The following PRKDC variants were observed in gnomAD, a reference collection of about 807,000 sequenced individuals.
PRKDC encodes the protein protein kinase, DNA-activated, catalytic subunit.
PRKDC carries 82 observed loss-of-function variants against 486.9 expected under a neutral mutation model. The observed-to-expected ratio is 0.17, with a 90% CI of 0.14 to 0.20. The LOEUF (loss-of-function observed/expected upper bound fraction) is 0.20. Ranked by LOEUF, PRKDC falls within the 10% of genes least tolerant of loss-of-function variation. The probability of loss-of-function intolerance (pLI) is 1.00; values close to 1 mark genes in which losing one functional copy is unlikely to be tolerated. For missense variants in PRKDC, 4,504 were observed against 5,038.2 expected (o/e 0.89, Z 3.21); for synonymous variants, 1,895 against 1,837.0 (o/e 1.03, Z -0.81).
chr8:47,939,640 T>G lies in PRKDC; in HGVS notation c.1024A>C (p.Met342Leu). Residue 342 changes from methionine (M) to leucine (L), a missense_variant, in exon 11 of 86, where the codon ATG (methionine) becomes CTG (leucine). Coordinates refer to ENST00000314191, the MANE Select transcript of PRKDC (RefSeq NM_006904.7). The stretch of plus-strand genomic sequence containing the variant: ...CTGATGATTCCATAAAACTGCTCCA[T>G]AAAGTACTGCAGTTTATTTTTATGC... ...EMHKNKLQYFMEQFYGIIRNV... is the reference protein window; with the variant it reads ...EMHKNKLQYFLEQFYGIIRNV... The G allele has an allele frequency of 2.5e-6, 4 of 1,612,996 alleles. No individual in the cohort carries two copies. The East Asian group carries it at 8.9e-5, about 36-fold the overall frequency.
intron 21 of PRKDC, among the ~76,000 whole-genome samples, chr8:47,924,803 G>A (rs780714944): frequency 1.3e-5 from 2 of 152,144 alleles, no homozygotes; most frequent in Non-Finnish European, 2.9e-5. Flanking sequence ...GGAGGACCAT[G>A]GGTTCACACT....
At chr8:47,902,028 T>A (rs894949106) in intron 27 of PRKDC, among the ~76,000 whole-genome samples, 4 of 152,162 alleles carry the variant, frequency 2.6e-5, no homozygotes, top group African/African-American at 9.7e-5. Flanking sequence ...CACCCACTAC[T>A]CCACAGATCC....
chr8:47,786,606 A>C (rs1214399413), intron 76 of PRKDC, among the ~76,000 whole-genome samples: 1 of 152,170 alleles, frequency 6.6e-6, no homozygotes, highest in African/African-American at 2.4e-5. Flanking sequence ...AATAGAAATA[A>C]ATGGCTCATA....
Position 47,803,200 on chromosome 8 carries a change from A to C in PRKDC, c.9922+106T>G, listed in dbSNP as rs189875980. On this transcript the variant is annotated intron_variant, in intron 70 of 85. Transcript: ENST00000314191. ...TATATTCCCTGAAATTACTGCAAAG[A>C]TTTACCTCCCAAATGTCAGATGATG... 5 of 1,143,892 alleles carry C rather than the reference A, an allele frequency of 4.4e-6. No homozygotes were observed. In the East Asian group the frequency reaches 1.3e-4, roughly 29 times the overall value. The allele number at this position is 1,143,892 out of a possible 1,614,324, so 70.9% of individuals were successfully genotyped here.
intron 83 of PRKDC, 103 bp downstream of exon 83, chr8:47,778,356 T>C: frequency 8.0e-7 from 1 of 1,243,246 alleles, no homozygotes. Context: ...CGAATCTAAC[T>C]AATATGTTGT....
chr8:47,791,275 G>C (rs748211463), intron 74 of PRKDC, among the ~76,000 whole-genome samples: 1 of 152,158 alleles, frequency 6.6e-6, no homozygotes, highest in Non-Finnish European at 1.5e-5. Context: ...AGGCGTTCGA[G>C]ACCAGCCTGG....
At chr8:47,892,476 G>A (rs2089482256) in intron 31 of PRKDC, among the ~76,000 whole-genome samples, 1 of 152,058 alleles carries the variant, frequency 6.6e-6, no homozygotes, top group South Asian at 2.1e-4. Context: ...GATCACAGAT[G>A]TGCATCACCA....
intron 76 of PRKDC, among the ~76,000 whole-genome samples, chr8:47,785,705 C>G (rs999739482): frequency 6.6e-6 from 1 of 151,916 alleles, no homozygotes; most frequent in Non-Finnish European, 1.5e-5. Context: ...CACTGCACTC[C>G]AGCCTGGGTA....
chr8:47,818,223 C>G (rs768798011), intron 67 of PRKDC, among the ~76,000 whole-genome samples: 1 of 152,108 alleles, frequency 6.6e-6, no homozygotes, highest in Non-Finnish European at 1.5e-5. Context: ...GCAAGTCATT[C>G]AATCTCTATA....
chr8:47,908,784 A>G (rs1306470133), intron 25 of PRKDC, among the ~76,000 whole-genome samples: 1 of 152,242 alleles, frequency 6.6e-6, no homozygotes, highest in African/African-American at 2.4e-5. Flanking sequence ...AACAAAAAAG[A>G]CCTAAAGATA....
At chr8:47,891,296 T>C (rs1162019805) in intron 31 of PRKDC, among the ~76,000 whole-genome samples, 2 of 152,226 alleles carry the variant, frequency 1.3e-5, no homozygotes, top group Non-Finnish European at 2.9e-5. Flanking sequence ...TTTGTAAGTC[T>C]CATGGTTTCT....
chr8:47,813,926 C>A (rs1392693726), intron 68 of PRKDC, among the ~76,000 whole-genome samples: 1 of 152,022 alleles, frequency 6.6e-6, no homozygotes, highest in Non-Finnish European at 1.5e-5. Context: ...TCTTATGAGG[C>A]CATGATAACC....
chr8:47,940,227 A>G (rs1408566949), intron 10 of PRKDC, among the ~76,000 whole-genome samples: 1 of 152,238 alleles, frequency 6.6e-6, no homozygotes, highest in African/African-American at 2.4e-5. Context: ...TTTCAAAAAA[A>G]TAAGCTACAA....
At chr8:47,831,671 C>T (rs1339975779) in intron 60 of PRKDC, 143 bp downstream of exon 60, 2 of 811,680 alleles carry the variant, frequency 2.5e-6, no homozygotes, top group South Asian at 1.5e-5. Flanking sequence ...TGGGGGAGCC[C>T]CAGGAGGCTG....
At chr8:47,803,254 A>T in intron 70 of PRKDC, 52 bp downstream of exon 70, 4 of 1,508,062 alleles carry the variant, frequency 2.7e-6, no homozygotes, top group Non-Finnish European at 3.6e-6. Context: ...GATACACAAG[A>T]CAATATAACA....
rs780633359 is a variant in PRKDC at position 47,935,911 on chromosome 8, T to C, written c.1279-11A>G. ...ATACACCTCAGGAACCTACCGGAAA[T>C]AATCAGCAAACCGTGAGTTAGAGGA... On this transcript the variant is annotated splice_polypyrimidine_tract_variant and intron_variant, in intron 12 of 85. Coordinates refer to ENST00000314191, the MANE Select transcript of PRKDC (RefSeq NM_006904.7). The C allele has an allele frequency of 6.2e-7, 1 of 1,608,734 alleles. No homozygotes were observed. The highest frequency in any genetic ancestry group is 1.7e-5 in the Admixed American group (1 of 59,460).
At chr8:47,817,070 G>A (rs1371836779) in intron 68 of PRKDC, among the ~76,000 whole-genome samples, 1 of 152,190 alleles carries the variant, frequency 6.6e-6, no homozygotes, top group African/African-American at 2.4e-5. Flanking sequence ...TAGGAGGCAA[G>A]AATGTCAAAA....
intron 40 of PRKDC, among the ~76,000 whole-genome samples, chr8:47,876,416 C>T (rs2089093313): frequency 6.6e-6 from 1 of 152,074 alleles, no homozygotes; most frequent in South Asian, 2.1e-4. Context: ...AATCCCAGCA[C>T]TTAGGGAGGC....
chr8:47,837,447 T>C, intron 56 of PRKDC, 28 bp from the exon 57 acceptor site: 1 of 1,529,918 alleles, frequency 6.5e-7, no homozygotes. Flanking sequence ...AAAAGTATAT[T>C]GCTTAGACAA....
Sources: allele counts gnomAD v4.1 joint callset (sites outside exome capture counted in the v4.1 genomes callset), GRCh38; gene constraint gnomAD v4.1.1; transcripts MANE v1.5; gene names NCBI Gene and HGNC (gene_info 2026-07-23, HGNC 2026-07-21).